PPP5C: variants seen among roughly 807,000 people sequenced by gnomAD.
The protein encoded by PPP5C is serine/threonine-protein phosphatase 5.
A neutral mutation model predicts 66.7 loss-of-function variants in PPP5C; 21 were observed. The ratio of observed to expected loss-of-function variants is 0.31; its 90% CI spans 0.22 to 0.45. PPP5C has a LOEUF of 0.45. Ranked by LOEUF, PPP5C falls within the 20% of genes least tolerant of loss-of-function variation. PPP5C has a pLI of 1.00. For missense variants in PPP5C, 464 were observed against 675.9 expected (o/e 0.69, Z 3.48); for synonymous variants, 246 against 257.4 (o/e 0.96, Z 0.43).
At chr19:46,357,306 C>T (rs1444625388) in intron 2 of PPP5C, among the ~76,000 whole-genome samples, 1 of 152,178 alleles carries the variant, frequency 6.6e-6, no homozygotes, top group Non-Finnish European at 1.5e-5. Flanking sequence ...CCTTAGCCTC[C>T]CAAAGGGCTG....
At chr19:46,384,726 ATCT>A (rs1319762457) in intron 6 of PPP5C, 75 bp from the exon 7 acceptor site, 2 of 1,162,722 alleles carry the variant, frequency 1.7e-6, no homozygotes, top group African/African-American at 3.0e-5. Context: ...CATCTGGCCC[ATCT>A]TCTGCCACCA....
chr19:46,363,700 A>G (rs1044629514), intron 2 of PPP5C, among the ~76,000 whole-genome samples: 4 of 152,098 alleles, frequency 2.6e-5, no homozygotes, highest in African/African-American at 9.7e-5. Flanking sequence ...AAGTGCTGGG[A>G]TTACAGGCAT....
intron 7 of PPP5C, among the ~76,000 whole-genome samples, chr19:46,386,077 T>C (rs961731423): frequency 6.6e-6 from 1 of 152,082 alleles, no homozygotes; most frequent in East Asian, 1.9e-4. Flanking sequence ...TCTGGAGGGC[T>C]ATGGCTGCCA....
intron 2 of PPP5C, among the ~76,000 whole-genome samples, chr19:46,366,496 C>G (rs964648756): frequency 1.3e-5 from 2 of 152,050 alleles, no homozygotes; most frequent in African/African-American, 4.8e-5. Context: ...CAAGTGCATG[C>G]CACCGTGCCT....
At chr19:46,371,398 G>T (rs981104393) in intron 2 of PPP5C, among the ~76,000 whole-genome samples, 1 of 152,118 alleles carries the variant, frequency 6.6e-6, no homozygotes, top group Non-Finnish European at 1.5e-5. Flanking sequence ...CGCTCGCCAG[G>T]GCCCAGGGTG....
intron 2 of PPP5C, among the ~76,000 whole-genome samples, 193 bp from the exon 3 acceptor site, chr19:46,375,411 G>A (rs2147388973): frequency 6.6e-6 from 1 of 152,360 alleles, no homozygotes; most frequent in South Asian, 2.1e-4. Flanking sequence ...CATGCGGGCA[G>A]CTTTGCTGTG....
intron 2 of PPP5C, among the ~76,000 whole-genome samples, chr19:46,364,980 A>AT (rs1432320003): frequency 4.6e-5 from 7 of 151,922 alleles, no homozygotes; most frequent in African/African-American, 1.7e-4. Context: ...GTTTCCTATA[A>AT]TTTTATTTAT....
chr19:46,361,725 A>G (rs1972395501), intron 2 of PPP5C, among the ~76,000 whole-genome samples: 1 of 151,170 alleles, frequency 6.6e-6, no homozygotes, highest in African/African-American at 2.4e-5. Context: ...AGATCGTGCC[A>G]TTGCACTCTA....
chr19:46,383,589 C>A lies in PPP5C; in HGVS notation c.699+113C>A, dbSNP rs73561202. The A allele has an allele frequency of 3.4e-6, 4 of 1,191,612 alleles. No homozygotes were observed. Among genetic ancestry groups the A allele is most frequent in the Non-Finnish European group, 4.7e-6 (4 of 847,270 alleles). 73.8% of individuals were successfully genotyped at this position (1,191,612 alleles called of 1,614,324 possible). On this transcript the variant is annotated intron_variant, in intron 5 of 12. Transcript: ENST00000012443. This position sits in a 1 kb window ranked among gnomAD's most constrained non-coding sequence, Gnocchi z 5.0. Reference sequence around the variant, plus strand: ...CCACCTCCCTCTCTCCCTCACACCCCACCCCTGTGCCTTTCCTCCTGAATA... The same window carrying A: ...CCACCTCCCTCTCTCCCTCACACCCAACCCCTGTGCCTTTCCTCCTGAATA...
At chr19:46,350,615 A>G (rs1412844999) in intron 1 of PPP5C, among the ~76,000 whole-genome samples, 1 of 152,212 alleles carries the variant, frequency 6.6e-6, no homozygotes, top group African/African-American at 2.4e-5. Flanking sequence ...GGGAATAACA[A>G]TAAAAAAGAA....
intron 7 of PPP5C, chr19:46,386,891 G>T: frequency 2.9e-6 from 2 of 691,868 alleles, no homozygotes; most frequent in South Asian, 3.8e-5. Context: ...TTATAGGCGT[G>T]AGCCATGGTG....
At chr19:46,384,292 A>G in intron 6 of PPP5C, 1 of 259,488 alleles carries the variant, frequency 3.9e-6, no homozygotes, top group East Asian at 9.0e-5. Context: ...GGATAATAAT[A>G]TGTGCAACCT....
intron 2 of PPP5C, among the ~76,000 whole-genome samples, chr19:46,374,213 G>A (rs531456519): frequency 2.1e-4 from 32 of 152,270 alleles, no homozygotes; most frequent in Admixed American, 1.3e-3. Flanking sequence ...CCCGCTTGGC[G>A]CACACACCTG....
intron 2 of PPP5C, among the ~76,000 whole-genome samples, chr19:46,365,752 C>G (rs1733962238): frequency 6.6e-6 from 1 of 152,136 alleles, no homozygotes; most frequent in African/African-American, 2.4e-5. Flanking sequence ...TCCAGTGGGT[C>G]AAAGGGGGCA....
rs1972855158 is a variant in PPP5C at position 46,384,838 on chromosome 19, T to C, written c.833T>C (p.Phe278Ser). ...GGTGACTTTGTGGACCGAGGCTCCT[T>C]CTCTGTAGAAGTGATCCTCACCCTT... ...FNGDFVDRGS[F>S]SVEVILTLFG... Residue 278 changes from phenylalanine (F) to serine (S), a missense_variant, in exon 7 of 13, where the codon TTC (phenylalanine) becomes TCC (serine). This residue lies in a region of PPP5C where 387 missense variants were observed against 626.0 expected (regional missense o/e 0.62). Transcript: ENST00000012443. 1 of 1,614,020 alleles carries C rather than the reference T, an allele frequency of 6.2e-7. No homozygotes were observed. The highest frequency in any genetic ancestry group is 1.3e-5 in the African/African-American group (1 of 74,926).
In PPP5C at chr19:46,353,832, G is replaced by A; in HGVS notation, c.206G>A (p.Ser69Asn). The A allele has an allele frequency of 6.2e-7, 1 of 1,612,904 alleles. No individual in the cohort carries two copies. Among genetic ancestry groups the A allele is most frequent in the Non-Finnish European group, 8.5e-7 (1 of 1,179,606 alleles). Residue 69 changes from serine to asparagine, a missense_variant, in exon 2 of 13, where the codon AGC becomes AAC. This residue lies in a region of PPP5C where 387 missense variants were observed against 626.0 expected (regional missense o/e 0.62). Coordinates refer to ENST00000012443, the MANE Select transcript of PPP5C (RefSeq NM_006247.4). ...PSNAIYYGNR[S>N]LAYLRTECYG... ...AATGCCATCTACTATGGCAACCGCA[G>A]CCTGGCCTACCTGCGCACTGAGTGC...
chr19:46,368,837 T>C (rs141785504), intron 2 of PPP5C, among the ~76,000 whole-genome samples: 1 of 152,342 alleles, frequency 6.6e-6, no homozygotes, highest in East Asian at 1.9e-4. Flanking sequence ...AGTGAGTTAT[T>C]TCACTTAGAA....
At position 46,389,940 on chromosome 19, in the gene PPP5C, G is replaced by T. The variant is rs1419470487; in HGVS notation, c.1356-111G>T. 1.6e-5 allele frequency: 15 copies of T among 927,416 alleles called. No individual in the cohort carries two copies. In the East Asian group the frequency reaches 3.6e-4, roughly 22 times the overall value. The allele number at this position is 927,416 out of a possible 1,614,324, so 57.4% of individuals were successfully genotyped here. ...TCTCTGTCCATCTGTGTCTGTTGTG[G>T]CTCTGTCCCTCCCTCTCCCTCTGTC... is the stretch of plus-strand genomic sequence containing the variant. On this transcript the variant is annotated intron_variant, in intron 11 of 12. Coordinates refer to ENST00000012443, the MANE Select transcript of PPP5C (RefSeq NM_006247.4).
intron 4 of PPP5C, among the ~76,000 whole-genome samples, chr19:46,379,188 G>A (rs1972747972): frequency 6.6e-6 from 1 of 152,194 alleles, no homozygotes; most frequent in South Asian, 2.1e-4. Context: ...CGAGTAGCTG[G>A]GACTACAGGT....
Sources: gnomAD v4.1 joint callset for allele counts (sites outside exome capture counted in the v4.1 genomes callset) on GRCh38, gnomAD v4.1.1 for gene constraint, gnomAD v4.1.1 regional missense constraint, Gnocchi (gnomAD v3.1) non-coding constraint, MANE v1.5 for transcripts, NCBI Gene and HGNC (gene_info 2026-07-23, HGNC 2026-07-21) for gene names.